Variants in CENPP observed in about 807,000 individuals in gnomAD.
The protein encoded by CENPP is centromere protein P.
CENPP carries 24 observed loss-of-function variants against 35.6 expected under a neutral mutation model. The observed-to-expected ratio is 0.67, with a 90% CI of 0.49 to 0.95. The LOEUF (loss-of-function observed/expected upper bound fraction) is 0.95, where lower values mean the gene tolerates loss of function less well. CENPP is among the 40% of genes least tolerant of loss of function. The pLI, the probability that CENPP is intolerant of heterozygous loss-of-function variation, is 0.00. For synonymous variants in CENPP, 120 were observed against 125.5 expected, an observed-to-expected ratio of 0.96 and a Z score of 0.29; for missense variants, 332 against 345.3, an observed-to-expected ratio of 0.96 and a Z score of 0.31.
chr9:92,394,182 T>C (rs1842797565), intron 5 of CENPP, among the ~76,000 whole-genome samples: 1 of 151,656 alleles, frequency 6.6e-6, no homozygotes, highest in African/African-American at 2.4e-5. Context: ...GTTGGCACTC[T>C]CTTCTTATTT....
intron 5 of CENPP, among the ~76,000 whole-genome samples, chr9:92,397,712 T>C (rs1842946580): frequency 6.6e-6 from 1 of 152,226 alleles, no homozygotes; most frequent in Admixed American, 6.5e-5. Flanking sequence ...GAGATCACGT[T>C]GCTTCTAGGC....
intron 5 of CENPP, among the ~76,000 whole-genome samples, chr9:92,578,918 G>A (rs1486898331): frequency 1.3e-5 from 2 of 152,180 alleles, no homozygotes; most frequent in East Asian, 1.9e-4. Context: ...TTCTTCTAGG[G>A]TTATTATGGT....
intron 4 of CENPP, among the ~76,000 whole-genome samples, chr9:92,360,622 A>G (rs939576351): frequency 1.3e-5 from 2 of 152,154 alleles, no homozygotes; most frequent in Admixed American, 1.3e-4. Flanking sequence ...TTTTACTTCA[A>G]CTGTCATACA....
rs543477797 is a variant in CENPP, at chr9:92,501,086, A to G, written c.565-110228A>G. 34 of 1,594,516 alleles carry G rather than the reference A, an allele frequency of 2.1e-5. No homozygotes were observed. The South Asian group carries it at 3.7e-4, about 17-fold the overall frequency. On this transcript the variant is annotated intron_variant, in intron 5 of 7. Transcript: ENST00000375587. ...AAAGAAAAAAGTAAACAGGGTAGGG[A>G]CATCAGGATGGTGATCATCAGCTCT...
At chr9:92,586,104 G>T (rs112358761) in intron 5 of CENPP, among the ~76,000 whole-genome samples, 1,693 of 152,244 alleles carry the variant, frequency 0.011, 13 homozygotes, top group Non-Finnish European at 0.018. Context: ...GGAGCGCAAT[G>T]GCGCAATCTC....
chr9:92,503,991 T>A (rs1399724199), intron 5 of CENPP, among the ~76,000 whole-genome samples: 1 of 152,230 alleles, frequency 6.6e-6, no homozygotes, highest in Non-Finnish European at 1.5e-5. Flanking sequence ...GTATGCCCAG[T>A]GCTTTCCAGA....
upstream of CENPP, chr9:92,325,661 T>A (rs1273762666): frequency 6.7e-6 from 2 of 296,982 alleles, no homozygotes; most frequent in Non-Finnish European, 1.3e-5. Flanking sequence ...GCCTCTTTAG[T>A]GAGGCACGCG....
intron 5 of CENPP, among the ~76,000 whole-genome samples, chr9:92,532,055 C>T (rs1848831496): frequency 1.3e-5 from 1 of 79,376 alleles, no homozygotes; most frequent in Admixed American, 1.3e-4. Flanking sequence ...GAGATGAGGT[C>T]TCACTATGTT....
At chr9:92,342,844 T>C (rs1279199957) in intron 3 of CENPP, among the ~76,000 whole-genome samples, 1 of 152,040 alleles carries the variant, frequency 6.6e-6, no homozygotes, top group Non-Finnish European at 1.5e-5. Flanking sequence ...TGTATGCCTT[T>C]AGAAACATAT....
rs367804309 is a variant in CENPP at position 92,557,804 on chromosome 9, G to A, written c.565-53510G>A. On this transcript the variant is annotated intron_variant, in intron 5 of 7. Transcript: ENST00000375587. ...ACTACAAGTATGCACCACCACGCCC[G>A]ACTAATTTTTGTATTTTTTTAGTAG... Among the ~76,000 whole-genome samples the A allele has an allele frequency of 2.0e-5, 3 of 151,908 alleles. No homozygotes were observed. In the East Asian group the frequency reaches 5.8e-4, roughly 29 times the overall value.
intron 5 of CENPP, among the ~76,000 whole-genome samples, chr9:92,519,578 A>G (rs1294945139): frequency 6.6e-6 from 1 of 152,244 alleles, no homozygotes; most frequent in Non-Finnish European, 1.5e-5. Context: ...ATCTTCAACA[A>G]CTAGTGCTGG....
At chr9:92,329,926 G>A (rs1404744885) in intron 1 of CENPP, among the ~76,000 whole-genome samples, 1 of 152,164 alleles carries the variant, frequency 6.6e-6, no homozygotes, top group African/African-American at 2.4e-5. Context: ...AGCTGTGGTA[G>A]TTTCATGATA....
At chr9:92,336,460 G>A (rs1373478836) in intron 2 of CENPP, among the ~76,000 whole-genome samples, 2 of 152,138 alleles carry the variant, frequency 1.3e-5, no homozygotes, top group East Asian at 3.8e-4. Context: ...TGCTGGCTTA[G>A]GTTTCAGTTT....
intron 5 of CENPP, among the ~76,000 whole-genome samples, chr9:92,597,865 G>A (rs1850819699): frequency 6.6e-6 from 1 of 152,200 alleles, no homozygotes; most frequent in Admixed American, 6.5e-5. Context: ...TTAATGGGAA[G>A]TCAGTTTTTT....
rs1420424103 is a variant in CENPP, at chr9:92,617,565, A to C, written c.*4416A>C. On this transcript the variant is annotated 3_prime_UTR_variant, in exon 8 of 8. Coordinates refer to ENST00000375587, the MANE Select transcript of CENPP (RefSeq NM_001012267.3). Reference sequence around the variant, plus strand: ...CAGGGACACACCTGTCCCTTGTGCCACAAGTGTGCCCTCTAGCAGCCTTGG... The same window carrying C: ...CAGGGACACACCTGTCCCTTGTGCCCCAAGTGTGCCCTCTAGCAGCCTTGG... 6.5e-6 allele frequency: 1 copy of C among 152,960 alleles called. No individual in the cohort carries two copies. The allele number at this position is 152,960 out of a possible 1,614,324, so 9.5% of individuals were successfully genotyped here. A position where few individuals can be genotyped will look rare whatever the true frequency, so the allele number is the denominator to read the frequency against.
intron 5 of CENPP, among the ~76,000 whole-genome samples, chr9:92,402,194 T>G (rs556598219): frequency 1.3e-5 from 2 of 152,320 alleles, no homozygotes; most frequent in Admixed American, 6.5e-5. Context: ...GACTTTTTTT[T>G]CTTTAACTTG....
At chr9:92,576,001 G>C (rs1262947519) in intron 5 of CENPP, among the ~76,000 whole-genome samples, 5 of 152,166 alleles carry the variant, frequency 3.3e-5, no homozygotes, top group Admixed American at 3.3e-4. Flanking sequence ...GATTTCACCT[G>C]AGGTACATGC....
intron 4 of CENPP, among the ~76,000 whole-genome samples, chr9:92,361,285 C>CACAT (rs1841741286): frequency 1.3e-5 from 2 of 151,288 alleles, no homozygotes; most frequent in African/African-American, 4.9e-5. Context: ...GGACTACAGG[C>CACAT]ACATGCCACC....
At chr9:92,453,657 C>A (rs187382971) in intron 5 of CENPP, among the ~76,000 whole-genome samples, 59 of 152,178 alleles carry the variant, frequency 3.9e-4, no homozygotes, top group African/African-American at 1.4e-3. Flanking sequence ...CTTTAACACC[C>A]CACTGTCAAC....
Sources: allele counts gnomAD v4.1 joint callset (sites outside exome capture counted in the v4.1 genomes callset), GRCh38; gene constraint gnomAD v4.1.1; transcripts MANE v1.5; gene names NCBI Gene and HGNC (gene_info 2026-07-23, HGNC 2026-07-21).